RXFP1: variants seen among roughly 807,000 people sequenced by gnomAD.
RXFP1 encodes relaxin receptor 1.
Under a neutral mutation model 89.8 loss-of-function variants are expected in RXFP1, and 73 were observed. That is an observed-to-expected ratio of 0.81 (90% confidence interval 0.67 to 0.99). RXFP1 has a LOEUF of 0.99. Among genes scored for constraint, RXFP1 ranks in the 50% least tolerant of loss-of-function variants. The pLI is 0.00. For missense variants in RXFP1, 793 were observed against 895.5 expected (o/e 0.89, Z 1.46); for synonymous variants, 277 against 305.5 (o/e 0.91, Z 0.97).
chr4:158,621,605 CA>C (rs897625613), intron 9 of RXFP1, among the ~76,000 whole-genome samples: 3 of 151,258 alleles, frequency 2.0e-5, no homozygotes, highest in Non-Finnish European at 4.4e-5. Flanking sequence ...ATATTAGACA[CA>C]AAAAAAACCT....
At chr4:158,553,793 G>A (rs1750679144) in intron 1 of RXFP1, among the ~76,000 whole-genome samples, 2 of 152,094 alleles carry the variant, frequency 1.3e-5, no homozygotes, top group Non-Finnish European at 2.9e-5. Context: ...GCAGGAGAAG[G>A]CCAGAGAGAG....
intron 9 of RXFP1, among the ~76,000 whole-genome samples, chr4:158,623,342 C>CAAAAAAAAAA (rs35034196): frequency 9.4e-6 from 1 of 106,328 alleles, no homozygotes; most frequent in African/African-American, 3.1e-5. Flanking sequence ...CTACTAAATA[C>CAAAAAAAAAA]AAAAAAAAAA....
upstream of RXFP1, chr4:158,521,735 G>C: frequency 5.8e-6 from 3 of 513,344 alleles, no homozygotes; most frequent in South Asian, 8.0e-5. Context: ...TAAAGAAGGA[G>C]ATTAGGACAT....
chr4:158,604,588 T>C lies in RXFP1; in HGVS notation c.393-480T>C, dbSNP rs545862136. 2.6e-5 allele frequency among the ~76,000 whole-genome samples: 4 copies of C among 152,338 alleles called. No homozygotes were observed. The South Asian group carries it at 8.3e-4, about 32-fold the overall frequency. On this transcript the variant is annotated intron_variant, in intron 4 of 17. Coordinates refer to ENST00000307765, the MANE Select transcript of RXFP1 (RefSeq NM_021634.4). ...TTAGAAGTTGAAATGGAATCACTTA[T>C]TGAATAAAGATGATCCAATTATAGG...
rs958906261 is a variant in RXFP1, at chr4:158,612,591, C to T, written c.680+229C>T. ...CCCATAAAAACTGAATACATTCTCACTCATATTTTATCACAATATTCTTTT... is the reference window on the plus strand; with the variant it reads ...CCCATAAAAACTGAATACATTCTCATTCATATTTTATCACAATATTCTTTT... On this transcript the variant is annotated intron_variant, in intron 8 of 17. Transcript: ENST00000307765. Among the ~76,000 whole-genome samples the T allele has an allele frequency of 4.6e-5, 7 of 151,946 alleles. No individual in the cohort carries two copies. In the East Asian group the frequency reaches 1.2e-3, roughly 25 times the overall value.
At chr4:158,595,013 G>T in intron 3 of RXFP1, among the ~76,000 whole-genome samples, 1 of 152,072 alleles carries the variant, frequency 6.6e-6, no homozygotes, top group East Asian at 1.9e-4. Context: ...GTCTTTAGTC[G>T]TAGATATAAG....
chr4:158,523,393 G>A (rs1351436038), intron 1 of RXFP1, among the ~76,000 whole-genome samples: 4 of 152,148 alleles, frequency 2.6e-5, no homozygotes, highest in Non-Finnish European at 5.9e-5. Flanking sequence ...AGGTTGGGAA[G>A]CAACTTTGGC....
intron 1 of RXFP1, among the ~76,000 whole-genome samples, chr4:158,565,550 T>C (rs1753379670): frequency 6.6e-6 from 1 of 152,132 alleles, no homozygotes; most frequent in African/African-American, 2.4e-5. Context: ...AAGATGATCC[T>C]GAAACATCTT....
At chr4:158,553,881 G>A (rs992027986) in intron 1 of RXFP1, among the ~76,000 whole-genome samples, 4 of 152,042 alleles carry the variant, frequency 2.6e-5, no homozygotes, top group East Asian at 1.9e-4. Flanking sequence ...TTGGGATATC[G>A]CTTTCTAAGC....
At chr4:158,583,929 C>A (rs1001293865) in intron 2 of RXFP1, among the ~76,000 whole-genome samples, 2 of 152,174 alleles carry the variant, frequency 1.3e-5, no homozygotes, top group Non-Finnish European at 2.9e-5. Context: ...TTCTGTCCCT[C>A]AAACTGCTGT....
At chr4:158,624,614 C>A (rs1766336399) in intron 9 of RXFP1, among the ~76,000 whole-genome samples, 2 of 152,096 alleles carry the variant, frequency 1.3e-5, no homozygotes, top group African/African-American at 4.8e-5. Flanking sequence ...TTCGTTAACT[C>A]CATTAAAGCT....
intron 1 of RXFP1, among the ~76,000 whole-genome samples, chr4:158,549,108 C>G (rs1579520388): frequency 6.6e-6 from 1 of 151,808 alleles, no homozygotes; most frequent in Admixed American, 6.6e-5. Flanking sequence ...TAGATTTGGT[C>G]TTTTCACATA....
chr4:158,576,552 G>A (rs1391294238), intron 2 of RXFP1, among the ~76,000 whole-genome samples: 1 of 152,032 alleles, frequency 6.6e-6, no homozygotes, highest in Non-Finnish European at 1.5e-5. Context: ...TAAGTTTTGA[G>A]AACCATGAAC....
intron 1 of RXFP1, among the ~76,000 whole-genome samples, chr4:158,567,901 A>G (rs1156482653): frequency 2.0e-5 from 3 of 152,240 alleles, no homozygotes; most frequent in Non-Finnish European, 4.4e-5. Context: ...GTCTCCTTCC[A>G]GCTTGTGGTG....
At chr4:158,531,205 A>T (rs1175129027) in intron 1 of RXFP1, among the ~76,000 whole-genome samples, 1 of 151,426 alleles carries the variant, frequency 6.6e-6, no homozygotes, top group Non-Finnish European at 1.5e-5. Context: ...CTACCTATTT[A>T]AAAAAAAATT....
chr4:158,559,725 C>G (rs1752056472), intron 1 of RXFP1, among the ~76,000 whole-genome samples: 1 of 152,206 alleles, frequency 6.6e-6, no homozygotes, highest in African/African-American at 2.4e-5. Flanking sequence ...AGAAATTCTT[C>G]ATAGAATTGC....
intron 1 of RXFP1, among the ~76,000 whole-genome samples, chr4:158,535,494 G>A (rs549108777): frequency 6.6e-6 from 1 of 150,832 alleles, no homozygotes; most frequent in Admixed American, 6.6e-5. Flanking sequence ...ATCAGCTACT[G>A]GTTTTCACAA....
intron 9 of RXFP1, among the ~76,000 whole-genome samples, chr4:158,625,099 A>G (rs1396803643): frequency 1.3e-5 from 2 of 152,282 alleles, no homozygotes; most frequent in East Asian, 3.9e-4. Context: ...ACCTGGTGGT[A>G]GATTCAGGGT....
chr4:158,563,495 T>G (rs1389022196), intron 1 of RXFP1, among the ~76,000 whole-genome samples: 1 of 65,874 alleles, frequency 1.5e-5, no homozygotes, highest in African/African-American at 6.1e-5. Flanking sequence ...GAGAATTCAA[T>G]GCACACACAC....
Sources: allele counts gnomAD v4.1 joint callset (sites outside exome capture counted in the v4.1 genomes callset), GRCh38; gene constraint gnomAD v4.1.1; transcripts MANE v1.5; gene names NCBI Gene and HGNC (gene_info 2026-07-23, HGNC 2026-07-21).